SLC36A1: variants seen among roughly 807,000 people sequenced by gnomAD.
The protein encoded by SLC36A1 is solute carrier family 36 member 1.
SLC36A1 carries 30 observed loss-of-function variants against 47.5 expected under a neutral mutation model. That is an observed-to-expected ratio of 0.63 (90% confidence interval 0.47 to 0.86). SLC36A1 has a LOEUF of 0.86. Ranked by LOEUF, SLC36A1 falls within the 40% of genes least tolerant of loss-of-function variation. The pLI is 0.00. For synonymous variants in SLC36A1, 255 were observed against 249.7 expected (o/e 1.02, Z -0.20); for missense variants, 517 against 606.0 (o/e 0.85, Z 1.54).
At chr5:151,458,759 A>T in intron 1 of SLC36A1, 29 bp from the exon 2 acceptor site, 4 of 1,604,204 alleles carry the variant, frequency 2.5e-6, no homozygotes, top group Non-Finnish European at 3.4e-6. Flanking sequence ...CAGCTGCAGG[A>T]GGTCTTAATG....
At chr5:151,511,145 G>C in the SLC36A1 span, 1 of 152,406 alleles carries the variant, frequency 6.6e-6, no homozygotes, top group East Asian at 1.9e-4. Flanking sequence ...GGGGGCTTGG[G>C]ACAGAGGGAC....
the SLC36A1 span, among the ~76,000 whole-genome samples, chr5:151,410,993 A>G: frequency 6.9e-6 from 1 of 144,918 alleles, no homozygotes; most frequent in Non-Finnish European, 1.5e-5. Flanking sequence ...CCACTGGTCT[A>G]AAGTCTATAC....
chr5:151,484,888 C>T (rs1759314298), intron 10 of SLC36A1, among the ~76,000 whole-genome samples: 1 of 152,120 alleles, frequency 6.6e-6, no homozygotes, highest in African/African-American at 2.4e-5. Context: ...CCCTGGGGCT[C>T]AGTTCTCCCG....
chr5:151,360,455 C>G, the SLC36A1 span, among the ~76,000 whole-genome samples: 2 of 152,020 alleles, frequency 1.3e-5, no homozygotes, highest in Admixed American at 6.6e-5. Flanking sequence ...TTTTCATCTT[C>G]ATTGTCTTCA....
the SLC36A1 span, chr5:151,512,479 A>G: frequency 1.9e-6 from 3 of 1,614,194 alleles, no homozygotes; most frequent in East Asian, 4.5e-5. This position sits in a 1 kb window ranked among gnomAD's most constrained non-coding sequence, Gnocchi z 4.1. Context: ...CATCAGGCGA[A>G]TGGAAGCGTC....
chr5:151,487,959 C>T (rs758381524), intron 10 of SLC36A1, 24 bp from the exon 11 acceptor site: 2 of 1,612,304 alleles, frequency 1.2e-6, no homozygotes, highest in South Asian at 1.1e-5. Flanking sequence ...GCATCTTAAA[C>T]AGGCATGTCC....
chr5:151,491,826 T>C lies in SLC36A1; in HGVS notation c.*3572T>C, dbSNP rs1304549337. Reference sequence around the variant, plus strand: ...TAGAAGTTAATTTTCCAAAGTACATTACAAATCTCTGAGGCCATTAGGGGA... The same window carrying C: ...TAGAAGTTAATTTTCCAAAGTACATCACAAATCTCTGAGGCCATTAGGGGA... On this transcript the variant is annotated 3_prime_UTR_variant, in exon 11 of 11. Coordinates refer to ENST00000243389, the MANE Select transcript of SLC36A1 (RefSeq NM_078483.4). 2 of 152,444 alleles carry C rather than the reference T, an allele frequency of 1.3e-5. No individual in the cohort carries two copies. Among genetic ancestry groups the C allele is most frequent in the East Asian group, 1.9e-4 (1 of 5,192 alleles). 9.4% of individuals were successfully genotyped at this position (152,444 alleles called of 1,614,324 possible). A position where few individuals can be genotyped will look rare whatever the true frequency, so the allele number is the denominator to read the frequency against.
chr5:151,366,166 G>T, the SLC36A1 span, among the ~76,000 whole-genome samples: 1 of 152,254 alleles, frequency 6.6e-6, no homozygotes, highest in African/African-American at 2.4e-5. Context: ...TGAAGTTGAG[G>T]CTCCCAAGGG....
chr5:151,465,317 A>G (rs1027190534), intron 5 of SLC36A1, 148 bp downstream of exon 5: 1 of 690,264 alleles, frequency 1.4e-6, no homozygotes, highest in African/African-American at 1.8e-5. Flanking sequence ...TGCTGGTAGT[A>G]AGCTGTGTGA....
chr5:151,434,996 A>G (rs1022471181), upstream of SLC36A1, among the ~76,000 whole-genome samples: 3 of 152,228 alleles, frequency 2.0e-5, no homozygotes, highest in Non-Finnish European at 4.4e-5. Flanking sequence ...GGAATATGGT[A>G]GAATAAATAT....
chr5:151,528,724 C>T, the SLC36A1 span, among the ~76,000 whole-genome samples: 1 of 151,986 alleles, frequency 6.6e-6, no homozygotes, highest in South Asian at 2.1e-4. Flanking sequence ...TATGGGTGGA[C>T]AGAACTGGGT....
chr5:151,363,713 G>T, the SLC36A1 span, among the ~76,000 whole-genome samples: 1 of 152,264 alleles, frequency 6.6e-6, no homozygotes, highest in East Asian at 1.9e-4. Flanking sequence ...GGAATGTCAT[G>T]ATTTTATTTG....
chr5:151,531,706 G>C, the SLC36A1 span: 3 of 1,613,868 alleles, frequency 1.9e-6, 1 homozygote, highest in South Asian at 3.3e-5. This position sits in a 1 kb window ranked among gnomAD's most constrained non-coding sequence, Gnocchi z 5.7. Flanking sequence ...GCCAGGTGGG[G>C]CGTCCTCGGG....
the SLC36A1 span, among the ~76,000 whole-genome samples, chr5:151,416,062 T>TGCCACTGCACTCCAGCCTGGCA: frequency 6.6e-6 from 1 of 152,172 alleles, no homozygotes; most frequent in East Asian, 1.9e-4. Flanking sequence ...GCTGAGATCG[T>TGCCACTGCACTCCAGCCTGGCA]GCCACTGCAC....
At chr5:151,438,514 T>C (rs1241484692) in intron 1 of SLC36A1, among the ~76,000 whole-genome samples, 3 of 152,192 alleles carry the variant, frequency 2.0e-5, no homozygotes, top group African/African-American at 4.8e-5. Context: ...GGGAAAGTCT[T>C]CCTTATGTTA....
chr5:151,347,505 T>C, the SLC36A1 span: 1 of 1,609,542 alleles, frequency 6.2e-7, no homozygotes, highest in Non-Finnish European at 8.5e-7. Context: ...AGAGGTCTGC[T>C]CTGGAAGGAG....
At chr5:151,473,209 G>C (rs1581172269) in intron 7 of SLC36A1, among the ~76,000 whole-genome samples, 1 of 151,402 alleles carries the variant, frequency 6.6e-6, no homozygotes, top group East Asian at 1.9e-4. Flanking sequence ...TAGATAGATA[G>C]ATAGATAGAT....
chr5:151,476,619 T>G lies in SLC36A1; in HGVS notation c.852T>G (p.Asp284Glu). The G allele has an allele frequency of 6.2e-7, 1 of 1,602,060 alleles. No individual in the cohort carries two copies. Among genetic ancestry groups the G allele is most frequent in the Non-Finnish European group, 8.5e-7 (1 of 1,174,380 alleles). ...MVLPLENKMK[D>E]PRKFPLILYL... ...TGCCCCTGGAAAACAAAATGAAGGA[T>G]CCTCGGAAGTTCCCACTCATCCTGT... The change falls in exon 9 of 11, where the codon GAT (aspartate) becomes GAG (glutamate). Residue 284 changes from aspartate to glutamate, a missense_variant. Asp to Glu is a conservative substitution (Grantham distance 45). Coordinates refer to ENST00000243389, the MANE Select transcript of SLC36A1 (RefSeq NM_078483.4).
rs1280711708 is a variant in SLC36A1, at chr5:151,488,004, C to T, written c.1181C>T (p.Pro394Leu). The change falls in exon 11 of 11, where the codon CCC (proline) becomes CTC (leucine). Residue 394 changes from proline to leucine, a missense_variant. Transcript: ENST00000243389. The stretch of plus-strand genomic sequence containing the variant: ...GCAGGCATCTTGGCCATCCTCATCC[C>T]CCGCCTGGACCTGGTCATCTCCCTG... Reference protein sequence around the residue: ...CLTCILAILIPRLDLVISLVG... With the variant: ...CLTCILAILILRLDLVISLVG... 1.2e-6 allele frequency: 2 copies of T among 1,613,994 alleles called. No homozygotes were observed. The highest frequency in any genetic ancestry group is 2.7e-5 in the African/African-American group (2 of 74,918).
Sources: allele counts gnomAD v4.1 joint callset (sites outside exome capture counted in the v4.1 genomes callset), GRCh38; gene constraint gnomAD v4.1.1; non-coding constraint Gnocchi (gnomAD v3.1); transcripts MANE v1.5; gene names NCBI Gene and HGNC (gene_info 2026-07-23, HGNC 2026-07-21).